Variants in RABGAP1L observed in about 807,000 individuals in gnomAD.
RABGAP1L encodes the protein rab GTPase-activating protein 1-like.
In RABGAP1L, 63 loss-of-function variants were observed where a neutral mutation model predicts 137.7. The ratio of observed to expected loss-of-function variants is 0.46; its 90% CI spans 0.37 to 0.56. The LOEUF is 0.56. RABGAP1L is among the 20% of genes least tolerant of loss of function. The probability of loss-of-function intolerance (pLI) is 0.00; values close to 1 mark genes in which losing one functional copy is unlikely to be tolerated. For missense variants in RABGAP1L, 1,095 were observed against 1,244.0 expected (o/e 0.88, Z 1.80); for synonymous variants, 431 against 433.7 (o/e 0.99, Z 0.08).
At chr1:174,512,406 C>T (rs1662432460) in intron 13 of RABGAP1L, among the ~76,000 whole-genome samples, 1 of 152,128 alleles carries the variant, frequency 6.6e-6, no homozygotes, top group Admixed American at 6.5e-5. Flanking sequence ...TACATAATGT[C>T]TGAAATGTAT....
intron 13 of RABGAP1L, among the ~76,000 whole-genome samples, chr1:174,537,167 A>C (rs1664958680): frequency 6.6e-6 from 1 of 152,162 alleles, no homozygotes; most frequent in Admixed American, 6.5e-5. Context: ...AATTTTTCTG[A>C]CTTAGATGAA....
chr1:174,774,422 C>A (rs1686361039), intron 18 of RABGAP1L, among the ~76,000 whole-genome samples: 1 of 151,888 alleles, frequency 6.6e-6, no homozygotes, highest in Non-Finnish European at 1.5e-5. Flanking sequence ...GAGATCTTGT[C>A]TCTACAAAAA....
intron 13 of RABGAP1L, among the ~76,000 whole-genome samples, chr1:174,564,017 G>A (rs1251348300): frequency 6.6e-6 from 1 of 152,034 alleles, no homozygotes; most frequent in African/African-American, 2.4e-5. Context: ...CTCCTGCAAA[G>A]CTCTGCCTTG....
intron 13 of RABGAP1L, among the ~76,000 whole-genome samples, chr1:174,421,244 G>C (rs890298998): frequency 1.3e-5 from 2 of 152,014 alleles, no homozygotes; most frequent in Non-Finnish European, 2.9e-5. Context: ...TTACAACTGG[G>C]ATTCAAAAAT....
intron 11 of RABGAP1L, among the ~76,000 whole-genome samples, chr1:174,350,809 C>T (rs1355591444): frequency 2.7e-5 from 2 of 73,782 alleles, no homozygotes; most frequent in Non-Finnish European, 5.4e-5. Flanking sequence ...CCATTGAGCA[C>T]TGAGTGAACG....
rs1336426815 is a variant in RABGAP1L, at chr1:174,990,069, G to A, written c.*68G>A. The A allele has an allele frequency of 5.6e-6, 8 of 1,432,886 alleles. No homozygotes were observed. The highest frequency in any genetic ancestry group is 1.4e-5 in the African/African-American group (1 of 69,476). The allele number at this position is 1,432,886 out of a possible 1,614,324, so 88.8% of individuals were successfully genotyped here. A position where few individuals can be genotyped will look rare whatever the true frequency, so the allele number is the denominator to read the frequency against. The stretch of plus-strand genomic sequence containing the variant: ...TGGAAATCTGGGAGGATTCTTCCTG[G>A]TGTCCCTTTGAAGGAAAGTCAAGGA... On this transcript the variant is annotated 3_prime_UTR_variant, in exon 26 of 26. Coordinates refer to ENST00000681986, the MANE Select transcript of RABGAP1L (RefSeq NM_001366446.1).
At chr1:174,308,738 GT>G in intron 11 of RABGAP1L, among the ~76,000 whole-genome samples, 1 of 152,132 alleles carries the variant, frequency 6.6e-6, no homozygotes, top group East Asian at 1.9e-4. Context: ...CTATATGTCT[GT>G]TTTTATGCTG....
intron 13 of RABGAP1L, among the ~76,000 whole-genome samples, chr1:174,427,483 G>C (rs549669941): frequency 2.0e-5 from 3 of 152,054 alleles, no homozygotes; most frequent in South Asian, 2.1e-4. Flanking sequence ...CAAAGGTTCA[G>C]TGTTCTGAGT....
At chr1:174,837,351 A>T (rs1692873397) in intron 19 of RABGAP1L, among the ~76,000 whole-genome samples, 1 of 152,228 alleles carries the variant, frequency 6.6e-6, no homozygotes, top group African/African-American at 2.4e-5. Context: ...GAAACTTCTC[A>T]TTATGATGTT....
intron 12 of RABGAP1L, among the ~76,000 whole-genome samples, chr1:174,372,725 T>G: frequency 6.6e-6 from 1 of 152,138 alleles, no homozygotes; most frequent in East Asian, 1.9e-4. Flanking sequence ...AGCTTTTAGG[T>G]TTTATTTTCA....
At chr1:174,245,494 TAA>T (rs1672177531) in intron 5 of RABGAP1L, 1 of 152,164 alleles carries the variant, frequency 6.6e-6, no homozygotes, top group Non-Finnish European at 1.5e-5. Context: ...TTTATGATTT[TAA>T]AAAAGTTTCC....
intron 1 of RABGAP1L, among the ~76,000 whole-genome samples, chr1:174,169,269 G>T (rs889369367): frequency 3.3e-5 from 5 of 151,996 alleles, no homozygotes; most frequent in African/African-American, 1.2e-4. Flanking sequence ...GCCCAGGCTG[G>T]AGTGCAGTGG....
intron 18 of RABGAP1L, among the ~76,000 whole-genome samples, chr1:174,803,124 G>A (rs866331847): frequency 6.6e-6 from 1 of 152,000 alleles, no homozygotes. Flanking sequence ...TACCAAGATA[G>A]TGTTGTGGAT....
intron 19 of RABGAP1L, among the ~76,000 whole-genome samples, chr1:174,835,746 A>T (rs1692675865): frequency 6.6e-6 from 1 of 152,206 alleles, no homozygotes; most frequent in Admixed American, 6.5e-5. Flanking sequence ...GAATTGTCAA[A>T]CGTGAAATAA....
chr1:174,618,732 T>G (rs1027367123), intron 13 of RABGAP1L, among the ~76,000 whole-genome samples: 1 of 152,060 alleles, frequency 6.6e-6, no homozygotes, highest in African/African-American at 2.4e-5. Flanking sequence ...AAAGTCAGAG[T>G]GCCTCTCCTC....
At position 174,905,520 on chromosome 1, in the gene RABGAP1L, GA is replaced by G. The variant is rs548325509; in HGVS notation, c.2341-51927del. 2.0e-4 allele frequency among the ~76,000 whole-genome samples: 30 copies of G among 149,914 alleles called. 1 individual carries two copies. The highest frequency in any genetic ancestry group is 7.8e-4 in the East Asian group (4 of 5,138). ...CAACAGTAGAATGGACTAAACAGAG[GA>G]AAAAAAAAATCAGTGAGTTCAAAGA... On this transcript the variant is annotated intron_variant, in intron 19 of 25. Transcript: ENST00000681986.
At chr1:174,842,181 G>C (rs751808448) in intron 19 of RABGAP1L, among the ~76,000 whole-genome samples, 7 of 152,090 alleles carry the variant, frequency 4.6e-5, no homozygotes, top group Non-Finnish European at 1.0e-4. Context: ...CCATTTTTCT[G>C]TTCTTAGCAT....
intron 19 of RABGAP1L, among the ~76,000 whole-genome samples, chr1:174,911,841 A>C (rs1660104104): frequency 6.6e-6 from 1 of 152,198 alleles, no homozygotes; most frequent in Non-Finnish European, 1.5e-5. Context: ...GATATGCTCC[A>C]TATCCAAATG....
At chr1:174,975,321 G>A (rs1670553538) in intron 21 of RABGAP1L, among the ~76,000 whole-genome samples, 1 of 152,206 alleles carries the variant, frequency 6.6e-6, no homozygotes, top group Non-Finnish European at 1.5e-5. Flanking sequence ...AGGGTGAGTG[G>A]GCCAGGGCTG....
Sources: gnomAD v4.1 joint callset for allele counts (sites outside exome capture counted in the v4.1 genomes callset) on GRCh38, gnomAD v4.1.1 for gene constraint, MANE v1.5 for transcripts, NCBI Gene and HGNC (gene_info 2026-07-23, HGNC 2026-07-21) for gene names.